NXN: variants seen among roughly 807,000 people sequenced by gnomAD.
NXN encodes nucleoredoxin.
Under a neutral mutation model 48.6 loss-of-function variants are expected in NXN, and 16 were observed. The ratio of observed to expected loss-of-function variants is 0.33; its 90% CI spans 0.22 to 0.50. The LOEUF (loss-of-function observed/expected upper bound fraction) is 0.50, where lower values mean the gene tolerates loss of function less well. Ranked by LOEUF, NXN falls within the 20% of genes least tolerant of loss-of-function variation. NXN has a pLI of 0.98. For synonymous variants in NXN, 281 were observed against 269.6 expected, an observed-to-expected ratio of 1.04 and a Z score of -0.41; for missense variants, 492 against 605.5, an observed-to-expected ratio of 0.81 and a Z score of 1.97.
chr17:912,136 C>T (rs1487077313), intron 1 of NXN, among the ~76,000 whole-genome samples: 1 of 151,870 alleles, frequency 6.6e-6, no homozygotes, highest in African/African-American at 2.4e-5. Flanking sequence ...TGGGGTTTTG[C>T]CATGTTGGCC....
Position 865,392 on chromosome 17 carries a change from A to G in NXN, c.361-39314T>C, listed in dbSNP as rs910797710. ...TGCATAGCTGGGATTACAGGCATGC[A>G]CCACCACGCCCGGCTGATTTTGTAT... On this transcript the variant is annotated intron_variant, in intron 1 of 7. Coordinates refer to ENST00000336868, the MANE Select transcript of NXN (RefSeq NM_022463.5). 4.6e-5 allele frequency among the ~76,000 whole-genome samples: 7 copies of G among 151,700 alleles called. No individual in the cohort carries two copies. In the East Asian group the frequency reaches 9.8e-4, roughly 21 times the overall value.
intron 1 of NXN, among the ~76,000 whole-genome samples, chr17:891,699 C>G (rs7216479): frequency 1.4e-5 from 2 of 140,900 alleles, no homozygotes; most frequent in African/African-American, 5.2e-5. Context: ...CTAACCTCAC[C>G]ATGCACAGCC....
chr17:921,484 T>G (rs537654628), intron 1 of NXN, among the ~76,000 whole-genome samples: 3 of 152,292 alleles, frequency 2.0e-5, no homozygotes, highest in African/African-American at 7.2e-5. Context: ...TCTGCATCTG[T>G]GGCTTGTCCT....
At chr17:812,504 C>T (rs1419856981) in intron 5 of NXN, among the ~76,000 whole-genome samples, 2 of 152,214 alleles carry the variant, frequency 1.3e-5, no homozygotes, top group Non-Finnish European at 2.9e-5. Flanking sequence ...CCCAGAGAAG[C>T]CCCACAGGAT....
intron 1 of NXN, among the ~76,000 whole-genome samples, chr17:870,899 C>T (rs1385885203): frequency 1.3e-5 from 2 of 152,060 alleles, no homozygotes; most frequent in African/African-American, 4.8e-5. Context: ...CACTCTGTCG[C>T]CCAGGCTGGA....
chr17:809,307 T>G (rs1911774856), intron 5 of NXN, among the ~76,000 whole-genome samples: 1 of 152,152 alleles, frequency 6.6e-6, no homozygotes, highest in Non-Finnish European at 1.5e-5. Context: ...TACAGACCCC[T>G]TTCACCGTCT....
At chr17:815,463 T>C (rs36022802) in intron 5 of NXN, among the ~76,000 whole-genome samples, 34 of 144,466 alleles carry the variant, frequency 2.4e-4, no homozygotes, top group African/African-American at 6.1e-4. Flanking sequence ...TTGAAGGCGA[T>C]GAGGCACTCA....
At chr17:914,526 C>T (rs2068667636) in intron 1 of NXN, among the ~76,000 whole-genome samples, 1 of 151,748 alleles carries the variant, frequency 6.6e-6, no homozygotes, top group African/African-American at 2.4e-5. Context: ...GAGGCAAGGT[C>T]AAAGGCAAAC....
chr17:818,905 C>T (rs1912647340), intron 5 of NXN, among the ~76,000 whole-genome samples: 1 of 151,782 alleles, frequency 6.6e-6, no homozygotes, highest in Non-Finnish European at 1.5e-5. Context: ...AGAAATGCAC[C>T]ATGCTGGACA....
At chr17:824,189 G>A (rs747803995) in intron 2 of NXN, among the ~76,000 whole-genome samples, 3 of 152,092 alleles carry the variant, frequency 2.0e-5, no homozygotes, top group African/African-American at 4.8e-5. Context: ...ACAGGTGCCC[G>A]CCACCAGGCC....
Position 920,771 on chromosome 17 carries a change from G to A in NXN, c.360+58548C>T, listed in dbSNP as rs912845177. Among the ~76,000 whole-genome samples, 16 of 151,436 alleles carry A rather than the reference G, an allele frequency of 1.1e-4. No homozygotes were observed. Among genetic ancestry groups the A allele is most frequent in the East Asian group, 1.9e-4 (1 of 5,182 alleles). ...AGAGTCTCGCCCTGTTGCCCAGGCT[G>A]GAGTGCAGTGGTGGGATCTCGGCTC... On this transcript the variant is annotated intron_variant, in intron 1 of 7. Transcript: ENST00000336868. The surrounding 1 kb of genome is among the most constrained non-coding windows in gnomAD (Gnocchi z 4.6).
rs181774114 is a variant in NXN at position 821,833 on chromosome 17, C to T, written c.713+524G>A. Among the ~76,000 whole-genome samples the T allele has an allele frequency of 2.4e-3, 363 of 152,120 alleles. 1 individual carries two copies. The highest frequency in any genetic ancestry group is 4.0e-3 in the Non-Finnish European group (272 of 68,002). On this transcript the variant is annotated intron_variant, in intron 4 of 7. Transcript: ENST00000336868. Reference sequence around the variant, plus strand: ...TCTCTGGCTCTTTTCCATCCTCCCCCTTCCTCCCCCTTCCCTGTCTCTTCA... The same window carrying T: ...TCTCTGGCTCTTTTCCATCCTCCCCTTTCCTCCCCCTTCCCTGTCTCTTCA...
intron 1 of NXN, among the ~76,000 whole-genome samples, chr17:925,932 C>T (rs1386143475): frequency 3.3e-5 from 5 of 152,240 alleles, no homozygotes; most frequent in South Asian, 2.1e-4. Flanking sequence ...AGAGCTATCA[C>T]TTCTTTAGAT....
intron 1 of NXN, among the ~76,000 whole-genome samples, chr17:873,195 C>A (rs2068177642): frequency 6.6e-6 from 1 of 152,044 alleles, no homozygotes; most frequent in Admixed American, 6.6e-5. Flanking sequence ...GTGTGCCAAT[C>A]CTTTATAAGA....
chr17:812,608 TTGTG>T (rs375421751), intron 5 of NXN, among the ~76,000 whole-genome samples: 7 of 151,354 alleles, frequency 4.6e-5, no homozygotes, highest in African/African-American at 7.3e-5. Flanking sequence ...CGAGTGTGCA[TTGTG>T]TGAGTGTAGG....
chr17:820,070 G>A (rs1005813927), intron 4 of NXN, among the ~76,000 whole-genome samples: 1 of 152,146 alleles, frequency 6.6e-6, no homozygotes, highest in Non-Finnish European at 1.5e-5. Flanking sequence ...TGGGGCTGGG[G>A]TTTATGAGCG....
Position 931,920 on chromosome 17 carries a change from G to A in NXN, c.360+47399C>T, listed in dbSNP as rs1198152140. On this transcript the variant is annotated intron_variant, in intron 1 of 7. Transcript: ENST00000336868. ...GCACTTTGGGAGGCCGAGGCGGGGGGATCACTCGAGGCCAGTAGATCAAGA... is the reference window on the plus strand; with the variant it reads ...GCACTTTGGGAGGCCGAGGCGGGGGAATCACTCGAGGCCAGTAGATCAAGA... Among the ~76,000 whole-genome samples, 3 of 148,214 alleles carry A rather than the reference G, an allele frequency of 2.0e-5. No individual in the cohort carries two copies. In the East Asian group the frequency reaches 5.8e-4, roughly 29 times the overall value.
intron 5 of NXN, among the ~76,000 whole-genome samples, chr17:817,307 AT>A (rs753224881): frequency 8.5e-5 from 13 of 152,150 alleles, no homozygotes; most frequent in African/African-American, 2.4e-4. Context: ...ATTAAATATT[AT>A]TTTTTTTAAA....
Position 958,181 on chromosome 17 carries a change from GTCACTTGCACATTCTTCTT to G in NXN, c.360+21119_360+21137del, listed in dbSNP as rs566046241. 6.6e-6 allele frequency among the ~76,000 whole-genome samples: 1 copy of G among 152,224 alleles called. No individual in the cohort carries two copies. Among genetic ancestry groups the G allele is most frequent in the Non-Finnish European group, 1.5e-5 (1 of 68,020 alleles). On this transcript the variant is annotated intron_variant, in intron 1 of 7. Transcript: ENST00000336868. The surrounding 1 kb of genome is among the most constrained non-coding windows in gnomAD (Gnocchi z 6.9). ...ACTACCCTCCCCCTCGTTTGAAAAGGTCACTTGCACATTCTTCTTTCCAGAAGGCTTTTCTTGCAGGAGG... is the reference window on the plus strand; with the variant it reads ...ACTACCCTCCCCCTCGTTTGAAAAGGTCCAGAAGGCTTTTCTTGCAGGAGG...
Sources: allele counts gnomAD v4.1 joint callset (sites outside exome capture counted in the v4.1 genomes callset), GRCh38; gene constraint gnomAD v4.1.1; non-coding constraint Gnocchi (gnomAD v3.1); transcripts MANE v1.5; gene names NCBI Gene and HGNC (gene_info 2026-07-23, HGNC 2026-07-21).